CENPH: variants seen among roughly 807,000 people sequenced by gnomAD.
The protein encoded by CENPH is centromere protein H.
In CENPH, 40 loss-of-function variants were observed where a neutral mutation model predicts 42.9. The observed-to-expected ratio is 0.93, with a 90% CI of 0.72 to 1.21. The LOEUF is 1.21. CENPH is among the 50% of genes most tolerant of loss of function. The probability of loss-of-function intolerance (pLI) is 0.00; values close to 1 mark genes in which losing one functional copy is unlikely to be tolerated. For missense variants in CENPH, 302 were observed against 292.9 expected (o/e 1.03, Z -0.23); for synonymous variants, 88 against 96.5 (o/e 0.91, Z 0.52).
At position 69,195,775 on chromosome 5, in the gene CENPH, A is replaced by G; in HGVS notation, c.298A>G (p.Lys100Glu). Reference sequence around the variant, plus strand: ...GGTAAAAGTTGCTTTTGAGATAAAAAAGCTTGCATTAGACAGGTAATTATT... The same window carrying G: ...GGTAAAAGTTGCTTTTGAGATAAAAGAGCTTGCATTAGACAGGTAATTATT... ...EEVKVAFEIK[K>E]LALDRMRLST... Residue 100 changes from lysine (K) to glutamate (E), a missense_variant, in exon 4 of 9, where the codon AAG becomes GAG. Physicochemically the swap from Lys to Glu is moderately conservative, Grantham distance 56 (BLOSUM62 1). Coordinates refer to ENST00000283006, the MANE Select transcript of CENPH (RefSeq NM_022909.4). 6.5e-7 allele frequency: 1 copy of G among 1,535,936 alleles called. No individual in the cohort carries two copies. The highest frequency in any genetic ancestry group is 8.9e-7 in the Non-Finnish European group (1 of 1,126,906).
At chr5:69,205,944 C>G (rs575573822) in intron 7 of CENPH, among the ~76,000 whole-genome samples, 27 of 151,158 alleles carry the variant, frequency 1.8e-4, no homozygotes, top group Non-Finnish European at 3.2e-4. Flanking sequence ...CTCCTGACCT[C>G]GTGATCCGCC....
Position 69,202,589 on chromosome 5 carries a change from T to A in CENPH, c.435+20T>A. The A allele has an allele frequency of 7.5e-7, 1 of 1,334,434 alleles. No homozygotes were observed. The allele number at this position is 1,334,434 out of a possible 1,614,324, so 82.7% of individuals were successfully genotyped here. A position where few individuals can be genotyped will look rare whatever the true frequency, so the allele number is the denominator to read the frequency against. Reference sequence around the variant, plus strand: ...CAGCAGGTAAACTTACACATTAGGCTGATTATGCATTCTCATGATTTTACT... The same window carrying A: ...CAGCAGGTAAACTTACACATTAGGCAGATTATGCATTCTCATGATTTTACT... On this transcript the variant is annotated intron_variant, in intron 6 of 8. Transcript: ENST00000283006.
At chr5:69,201,713 G>T (rs1424988180) in intron 5 of CENPH, among the ~76,000 whole-genome samples, 1 of 152,142 alleles carries the variant, frequency 6.6e-6, no homozygotes, top group Non-Finnish European at 1.5e-5. Context: ...GTAAAAATTA[G>T]TGGGACATGG....
chr5:69,195,503 C>T (rs560132573), intron 3 of CENPH, among the ~76,000 whole-genome samples: 1 of 152,230 alleles, frequency 6.6e-6, no homozygotes, highest in South Asian at 2.1e-4. Context: ...CACATTAGAA[C>T]TTTCTGGCCT....
chr5:69,201,893 T>C (rs1748065334), intron 5 of CENPH, among the ~76,000 whole-genome samples: 1 of 152,030 alleles, frequency 6.6e-6, no homozygotes, highest in Non-Finnish European at 1.5e-5. Flanking sequence ...CAAGCAAGAG[T>C]GAACCTTGAT....
intron 2 of CENPH, among the ~76,000 whole-genome samples, chr5:69,193,499 C>A (rs1747913152): frequency 6.6e-6 from 1 of 151,850 alleles, no homozygotes; most frequent in Non-Finnish European, 1.5e-5. Context: ...GTACCATGTG[C>A]CTGTAGTCCC....
intron 5 of CENPH, among the ~76,000 whole-genome samples, chr5:69,198,122 G>A (rs1384091627): frequency 6.6e-6 from 1 of 151,496 alleles, no homozygotes; most frequent in African/African-American, 2.4e-5. Context: ...GGCTTTCACT[G>A]TGTTAGCCAG....
At chr5:69,202,658 T>C (rs1748077415) in intron 6 of CENPH, 89 bp downstream of exon 6, 1 of 822,292 alleles carries the variant, frequency 1.2e-6, no homozygotes, top group Non-Finnish European at 2.0e-6. Flanking sequence ...ATTAAATAGA[T>C]TGTCCAAAGG....
Position 69,197,092 on chromosome 5 carries a change from A to G in CENPH, c.354A>G (p.Lys118=). The G allele has an allele frequency of 6.3e-7, 1 of 1,582,624 alleles. No individual in the cohort carries two copies. Among genetic ancestry groups the G allele is most frequent in the Non-Finnish European group, 8.5e-7 (1 of 1,169,854 alleles). ...LSTALKKNLE[K]ISRQSSVLMD... is the part of the protein sequence containing the mutation. ...CTGCACTTAAAAAAAACCTGGAGAA[A>G]ATTAGCAGACAGTCTAGGTATGATT... Residue 118 remains lysine (K), a synonymous_variant, in exon 5 of 9, where the codon AAA becomes AAG. Coordinates refer to ENST00000283006, the MANE Select transcript of CENPH (RefSeq NM_022909.4).
intron 5 of CENPH, among the ~76,000 whole-genome samples, chr5:69,201,995 T>C (rs1027461286): frequency 6.6e-6 from 1 of 152,176 alleles, no homozygotes; most frequent in Non-Finnish European, 1.5e-5. Context: ...ATGTTGATAA[T>C]GGGAGAGGCT....
At position 69,203,663 on chromosome 5, in the gene CENPH, G is replaced by C. The variant is rs183155574; in HGVS notation, c.487+693G>C. Among the ~76,000 whole-genome samples the C allele has an allele frequency of 3.9e-3, 592 of 152,016 alleles. 3 individuals carry two copies. Among genetic ancestry groups the C allele is most frequent in the Non-Finnish European group, 4.2e-3 (286 of 67,990 alleles). ...GTTATAGGCATGAGCCACTGCACCT[G>C]GCCAAATTGTTGTATTTTTAGTAGG... On this transcript the variant is annotated intron_variant, in intron 7 of 8. Transcript: ENST00000283006.
Position 69,202,983 on chromosome 5 carries a change from CT to C in CENPH, c.487+22del, listed in dbSNP as rs759909125. ...AAGAAGAGATTGCGTATGTAGAACACTTTTTTTTTGGCAGAACACATTTTGC... is the reference window on the plus strand; with the variant it reads ...AAGAAGAGATTGCGTATGTAGAACACTTTTTTTTGGCAGAACACATTTTGC... On this transcript the variant is annotated intron_variant, in intron 7 of 8. Coordinates refer to ENST00000283006, the MANE Select transcript of CENPH (RefSeq NM_022909.4). 1,678 of 1,526,412 alleles carry C rather than the reference CT, an allele frequency of 1.1e-3. No individual in the cohort carries two copies. The highest frequency in any genetic ancestry group is 2.1e-3 in the Admixed American group (115 of 54,382). The allele number at this position is 1,526,412 out of a possible 1,614,324, so 94.6% of individuals were successfully genotyped here.
At chr5:69,199,106 T>C (rs756872487) in intron 5 of CENPH, among the ~76,000 whole-genome samples, 2 of 152,170 alleles carry the variant, frequency 1.3e-5, no homozygotes, top group Non-Finnish European at 2.9e-5. Context: ...GGAAGAAGGC[T>C]TTGAGTACTG....
At position 69,210,126 on chromosome 5, in the gene CENPH, G is replaced by C. The variant is rs796896809; in HGVS notation, c.*327G>C. On this transcript the variant is annotated 3_prime_UTR_variant, in exon 9 of 9. Transcript: ENST00000283006. ...AAGCAGTTCTGCCTCAGCCTCCCAA[G>C]TAGCTGTGACTAAAGGTGCACGCCG... 1 of 166,510 alleles carries C rather than the reference G, an allele frequency of 6.0e-6. No homozygotes were observed. Among genetic ancestry groups the C allele is most frequent in the Non-Finnish European group, 1.3e-5 (1 of 77,422 alleles). The allele number at this position is 166,510 out of a possible 1,614,324, so 10.3% of individuals were successfully genotyped here. A position where few individuals can be genotyped will look rare whatever the true frequency, so the allele number is the denominator to read the frequency against.
intron 5 of CENPH, among the ~76,000 whole-genome samples, chr5:69,199,850 C>T (rs932397061): frequency 3.3e-5 from 5 of 152,210 alleles, no homozygotes; most frequent in African/African-American, 9.6e-5. Context: ...CGGTGGCTCA[C>T]GCCTGTAATC....
chr5:69,207,093 A>G (rs915407394), intron 7 of CENPH, among the ~76,000 whole-genome samples: 1 of 152,184 alleles, frequency 6.6e-6, no homozygotes, highest in Non-Finnish European at 1.5e-5. Flanking sequence ...GGCCCCTGAA[A>G]TACATCCATT....
At chr5:69,191,998 A>G in intron 2 of CENPH, 148 bp downstream of exon 2, 1 of 527,020 alleles carries the variant, frequency 1.9e-6, no homozygotes, top group Non-Finnish European at 3.4e-6. Flanking sequence ...CAATCCTCCC[A>G]CCTCAGCCTC....
chr5:69,194,568 C>A, intron 2 of CENPH, 79 bp from the exon 3 acceptor site: 1 of 738,658 alleles, frequency 1.4e-6, no homozygotes, highest in South Asian at 1.9e-5. Flanking sequence ...TGTCTTTTGC[C>A]CTTGTGGCTT....
chr5:69,209,506 T>A (rs1003664275), intron 8 of CENPH, among the ~76,000 whole-genome samples: 3 of 150,748 alleles, frequency 2.0e-5, no homozygotes, highest in African/African-American at 7.3e-5. Flanking sequence ...ACCATTGCAC[T>A]CCAGCCTGGG....
Sources: allele counts gnomAD v4.1 joint callset (sites outside exome capture counted in the v4.1 genomes callset), GRCh38; gene constraint gnomAD v4.1.1; transcripts MANE v1.5; gene names NCBI Gene and HGNC (gene_info 2026-07-23, HGNC 2026-07-21).